The following MRPS35 variants were observed in gnomAD, a reference collection of about 807,000 sequenced individuals.
MRPS35 encodes small ribosomal subunit protein mS35.
MRPS35 carries 29 observed loss-of-function variants against 32.7 expected under a neutral mutation model. That is an observed-to-expected ratio of 0.89 (90% CI 0.66 to 1.21). The LOEUF (loss-of-function observed/expected upper bound fraction) is 1.21, where lower values mean the gene tolerates loss of function less well. MRPS35 is among the 50% of genes most tolerant of loss of function. The probability of loss-of-function intolerance (pLI) is 0.00; values close to 1 mark genes in which losing one functional copy is unlikely to be tolerated. For missense variants in MRPS35, 373 were observed against 383.8 expected (o/e 0.97, Z 0.23); for synonymous variants, 148 against 139.3 (o/e 1.06, Z -0.44).
chr12:27,719,959 C>G (rs987460180), intron 4 of MRPS35, 91 bp downstream of exon 4: 2 of 962,850 alleles, frequency 2.1e-6, no homozygotes, highest in Non-Finnish European at 3.2e-6. Context: ...GCCTTATATT[C>G]AAGTTGTTTT....
chr12:27,737,490 G>A (rs771007805), intron 6 of MRPS35, 49 bp from the exon 7 acceptor site: 2 of 1,478,466 alleles, frequency 1.4e-6, no homozygotes, highest in Non-Finnish European at 1.9e-6. Flanking sequence ...AAATTTTTCT[G>A]TGTACTGAGT....
chr12:27,724,221 G>A (rs777245889), intron 5 of MRPS35, 35 bp downstream of exon 5: 1 of 1,497,910 alleles, frequency 6.7e-7, no homozygotes, highest in South Asian at 1.3e-5. Flanking sequence ...TTTTAAATAA[G>A]AATCATTCTA....
intron 5 of MRPS35, among the ~76,000 whole-genome samples, chr12:27,734,543 T>A (rs752029027): frequency 2.6e-5 from 4 of 152,264 alleles, no homozygotes; most frequent in Non-Finnish European, 5.9e-5. Context: ...GCCTGGCCTA[T>A]CTTCTTGTAT....
At position 27,755,216 on chromosome 12, in the gene MRPS35, A is replaced by G; in HGVS notation, c.738A>G (p.Ala246=). Residue 246 remains alanine, a synonymous_variant, in exon 8 of 8, where the codon GCA becomes GCG. Coordinates refer to ENST00000081029, the MANE Select transcript of MRPS35 (RefSeq NM_021821.4). ...TEEWEKSKTE[A]DMEEYIWENS... The stretch of plus-strand genomic sequence containing the variant: ...AATGGGAAAAAAGTAAGACTGAAGC[A>G]GACATGGAAGAGTATATATGGGAAA... 3 of 1,585,482 alleles carry G rather than the reference A, an allele frequency of 1.9e-6. No homozygotes were observed. Among genetic ancestry groups the G allele is most frequent in the Non-Finnish European group, 2.6e-6 (3 of 1,172,244 alleles).
At chr12:27,723,827 T>A (rs756063710) in intron 4 of MRPS35, among the ~76,000 whole-genome samples, 45 of 152,148 alleles carry the variant, frequency 3.0e-4, no homozygotes, top group Non-Finnish European at 4.9e-4. Context: ...CCACCAAACC[T>A]GAAATATCCA....
chr12:27,749,863 C>T (rs928086125), intron 7 of MRPS35, among the ~76,000 whole-genome samples: 2 of 152,180 alleles, frequency 1.3e-5, no homozygotes, highest in African/African-American at 4.8e-5. Flanking sequence ...TACAGAGATA[C>T]AAGTTCAAGG....
At chr12:27,732,215 G>A (rs538286691) in intron 5 of MRPS35, among the ~76,000 whole-genome samples, 1 of 152,230 alleles carries the variant, frequency 6.6e-6, no homozygotes, top group African/African-American at 2.4e-5. Flanking sequence ...CTTAATTTAC[G>A]TTATTCACCT....
chr12:27,711,147 C>T lies in MRPS35; in HGVS notation c.112+192C>T, dbSNP rs115229987. Among the ~76,000 whole-genome samples, 376 of 152,366 alleles carry T rather than the reference C, an allele frequency of 2.5e-3. 7 individuals carry two copies. The highest frequency in any genetic ancestry group is 8.5e-3 in the African/African-American group (354 of 41,588). On this transcript the variant is annotated intron_variant, in intron 1 of 7. Coordinates refer to ENST00000081029, the MANE Select transcript of MRPS35 (RefSeq NM_021821.4). The stretch of plus-strand genomic sequence containing the variant: ...GCACCCGCGTTGCCCGGCTTCTAGC[C>T]GCCTGTTTCTGCCCTGGGTGCTCTG...
chr12:27,711,020 G>A (rs2061818322), intron 1 of MRPS35, 65 bp downstream of exon 1: 1 of 1,467,698 alleles, frequency 6.8e-7, no homozygotes, highest in East Asian at 2.4e-5. Context: ...CCGGCCTCAT[G>A]AAGGGTGCCG....
chr12:27,722,414 A>G (rs2061880135), intron 4 of MRPS35, among the ~76,000 whole-genome samples: 1 of 152,204 alleles, frequency 6.6e-6, no homozygotes, highest in African/African-American at 2.4e-5. Context: ...GGAGTCTATT[A>G]TGTGTTTTCC....
intron 4 of MRPS35, among the ~76,000 whole-genome samples, chr12:27,721,054 G>C (rs1424014893): frequency 6.6e-6 from 1 of 152,138 alleles, no homozygotes; most frequent in Admixed American, 6.6e-5. Flanking sequence ...TTTCAGGAAA[G>C]AATATGAAAC....
intron 5 of MRPS35, among the ~76,000 whole-genome samples, chr12:27,727,467 G>A (rs1001113656): frequency 6.6e-6 from 1 of 152,066 alleles, no homozygotes; most frequent in Non-Finnish European, 1.5e-5. Flanking sequence ...ATGCTACACA[G>A]GTTTGTAGCC....
At chr12:27,726,539 A>G (rs2061901334) in intron 5 of MRPS35, among the ~76,000 whole-genome samples, 1 of 152,096 alleles carries the variant, frequency 6.6e-6, no homozygotes, top group South Asian at 2.1e-4. Context: ...TGGCACCTCC[A>G]TATTTAACAT....
intron 3 of MRPS35, among the ~76,000 whole-genome samples, chr12:27,718,376 G>A (rs185622283): frequency 1.5e-4 from 23 of 152,284 alleles, no homozygotes; most frequent in Admixed American, 1.2e-3. Flanking sequence ...GCAGTGAGCC[G>A]GGGTCGTGCC....
intron 3 of MRPS35, among the ~76,000 whole-genome samples, chr12:27,717,933 T>C (rs2140754562): frequency 6.6e-6 from 1 of 152,348 alleles, no homozygotes; most frequent in South Asian, 2.1e-4. Context: ...TATTGTTTTT[T>C]CCTTTCATGA....
chr12:27,755,813 C>G lies in MRPS35; in HGVS notation c.*363C>G, dbSNP rs1287852142. 1 of 157,916 alleles carries G rather than the reference C, an allele frequency of 6.3e-6. No individual in the cohort carries two copies. Among genetic ancestry groups the G allele is most frequent in the Non-Finnish European group, 1.4e-5 (1 of 72,476 alleles). 9.8% of individuals were successfully genotyped at this position (157,916 alleles called of 1,614,324 possible). On this transcript the variant is annotated 3_prime_UTR_variant, in exon 8 of 8. Coordinates refer to ENST00000081029, the MANE Select transcript of MRPS35 (RefSeq NM_021821.4). ...GCTTTTGAATAATGGTTTTGGTTAC[C>G]TGGGAAGGCAGGCCCAGAACCCATT...
chr12:27,733,773 A>C (rs2061931646), intron 5 of MRPS35, among the ~76,000 whole-genome samples: 1 of 152,214 alleles, frequency 6.6e-6, no homozygotes. Context: ...ACATTGTCTA[A>C]TTGAGAGTTA....
At chr12:27,726,566 A>G (rs2061901438) in intron 5 of MRPS35, among the ~76,000 whole-genome samples, 1 of 152,118 alleles carries the variant, frequency 6.6e-6, no homozygotes, top group Non-Finnish European at 1.5e-5. Flanking sequence ...GAACTGCCAA[A>G]CTGTTTTTGA....
chr12:27,725,972 C>T (rs2061898437), intron 5 of MRPS35, among the ~76,000 whole-genome samples: 1 of 151,638 alleles, frequency 6.6e-6, no homozygotes, highest in South Asian at 2.1e-4. Flanking sequence ...CCATGCCTGG[C>T]CAATTTTTTT....
Sources: allele counts gnomAD v4.1 joint callset (sites outside exome capture counted in the v4.1 genomes callset), GRCh38; gene constraint gnomAD v4.1.1; transcripts MANE v1.5; gene names NCBI Gene and HGNC (gene_info 2026-07-23, HGNC 2026-07-21).